Variants in WDR76 observed in about 807,000 individuals in gnomAD.
WDR76 encodes WD repeat domain 76, also known as WD repeat-containing protein 76.
Under a neutral mutation model 70.2 loss-of-function variants are expected in WDR76, and 52 were observed. That is an observed-to-expected ratio of 0.74 (90% CI 0.59 to 0.93). WDR76 has a LOEUF of 0.93. Among genes scored for constraint, WDR76 ranks in the 40% least tolerant of loss-of-function variants. The pLI, the probability that WDR76 is intolerant of heterozygous loss-of-function variation, is 0.00. For synonymous variants in WDR76, 292 were observed against 271.1 expected, an observed-to-expected ratio of 1.08 and a Z score of -0.76; for missense variants, 756 against 760.2, an observed-to-expected ratio of 0.99 and a Z score of 0.07.
intron 8 of WDR76, among the ~76,000 whole-genome samples, chr15:43,844,681 G>T (rs1297406490): frequency 6.6e-6 from 1 of 150,650 alleles, no homozygotes; most frequent in Non-Finnish European, 1.5e-5. Context: ...AGGCCGAGGC[G>T]GGTGGATCAC....
chr15:43,844,038 T>C lies in WDR76; in HGVS notation c.1016T>C (p.Val339Ala). 6.2e-7 allele frequency: 1 copy of C among 1,611,940 alleles called. No homozygotes were observed. The highest frequency in any genetic ancestry group is 8.5e-7 in the Non-Finnish European group (1 of 1,179,418). ...LVAVGAKFGQ[V>A]GLCDLTQQPK... ...GCAGTTGGGGCCAAATTTGGGCAAG[T>C]TGGACTTTGTGATTTGGTAAGTTAT... The change falls in exon 8 of 13, where the codon GTT (valine) becomes GCT (alanine). Residue 339 changes from valine (V) to alanine (A), a missense_variant. Transcript: ENST00000263795.
chr15:43,840,167 C>T (rs1028814003), intron 5 of WDR76, among the ~76,000 whole-genome samples: 5 of 152,024 alleles, frequency 3.3e-5, no homozygotes, highest in South Asian at 2.1e-4. Context: ...CCCATTTGTA[C>T]GCTTTAATGA....
intron 10 of WDR76, among the ~76,000 whole-genome samples, chr15:43,857,859 A>G (rs2087948527): frequency 6.7e-6 from 1 of 148,352 alleles, no homozygotes; most frequent in African/African-American, 2.5e-5. Context: ...TTCTGTACAC[A>G]CTGGATCCAA....
Position 43,867,311 on chromosome 15 carries a change from G to T in WDR76, c.*919G>T, listed in dbSNP as rs957889029. On this transcript the variant is annotated 3_prime_UTR_variant, in exon 13 of 13. Coordinates refer to ENST00000263795, the MANE Select transcript of WDR76 (RefSeq NM_024908.4). ...GACACAGGCAGGACTCCCAAGCACCGGGTTGGGATCTGCCCTGGTCCCGGC... is the reference window on the plus strand; with the variant it reads ...GACACAGGCAGGACTCCCAAGCACCTGGTTGGGATCTGCCCTGGTCCCGGC... 1 of 152,060 alleles carries T rather than the reference G, an allele frequency of 6.6e-6. No individual in the cohort carries two copies. Among genetic ancestry groups the T allele is most frequent in the Non-Finnish European group, 1.5e-5 (1 of 68,030 alleles). 9.4% of individuals were successfully genotyped at this position (152,060 alleles called of 1,614,324 possible). A position where few individuals can be genotyped will look rare whatever the true frequency, so the allele number is the denominator to read the frequency against.
At chr15:43,857,551 G>T (rs1470526657) in intron 10 of WDR76, 2 of 985,114 alleles carry the variant, frequency 2.0e-6, no homozygotes, top group Admixed American at 6.2e-5. Context: ...TGGGCGTGGT[G>T]GCTCATGCCT....
At chr15:43,837,541 G>A (rs1218645957) in intron 4 of WDR76, among the ~76,000 whole-genome samples, 3 of 152,148 alleles carry the variant, frequency 2.0e-5, no homozygotes, top group African/African-American at 7.2e-5. Flanking sequence ...CAGAAGTGTA[G>A]CCTTTGAGAT....
rs2088068183 is a variant in WDR76 at position 43,866,205 on chromosome 15, T to G, written c.1694T>G (p.Val565Gly). The G allele has an allele frequency of 6.2e-7, 1 of 1,614,094 alleles. No individual in the cohort carries two copies. The highest frequency in any genetic ancestry group is 1.1e-5 in the South Asian group (1 of 91,086). The change falls in exon 13 of 13, where the codon GTT becomes GGT. Residue 565 changes from valine (V) to glycine (G), a missense_variant. Val to Gly is a moderately radical substitution (Grantham distance 109). Transcript: ENST00000263795. ...WDPKQEDCVI[V>G]GSMAHPRRVE... Reference sequence around the variant, plus strand: ...CCTAAACAAGAAGACTGTGTCATAGTTGGCAGCATGGCCCATCCACGACGG... The same window carrying G: ...CCTAAACAAGAAGACTGTGTCATAGGTGGCAGCATGGCCCATCCACGACGG...
Position 43,832,743 on chromosome 15 carries a change from G to GGTT in WDR76, c.463-2318_463-2317insGTT, listed in dbSNP as rs1465707440. Among the ~76,000 whole-genome samples the GGTT allele has an allele frequency of 1.5e-4, 10 of 68,070 alleles. No homozygotes were observed. The Admixed American group carries it at 1.5e-3, about 10-fold the overall frequency. The allele number at this position is 68,070 out of a possible 152,430, so 44.7% of individuals were successfully genotyped here. A position where few individuals can be genotyped will look rare whatever the true frequency, so the allele number is the denominator to read the frequency against. On this transcript the variant is annotated intron_variant, in intron 2 of 12. Transcript: ENST00000263795. ...TGAGCCATTGCACCCGGCTTGCTTTGTTTTTTTTTTTTTTTTTTTTTTTTT... is the reference window on the plus strand; with the variant it reads ...TGAGCCATTGCACCCGGCTTGCTTTGGTTTTTTTTTTTTTTTTTTTTTTTTTTT...
At chr15:43,840,760 C>A (rs543882890) in intron 5 of WDR76, among the ~76,000 whole-genome samples, 1 of 152,114 alleles carries the variant, frequency 6.6e-6, no homozygotes, top group African/African-American at 2.4e-5. Flanking sequence ...AGGAGGATCG[C>A]TTGAACCCAG....
At chr15:43,864,217 A>G (rs552613801) in intron 12 of WDR76, among the ~76,000 whole-genome samples, 1 of 152,306 alleles carries the variant, frequency 6.6e-6, no homozygotes, top group South Asian at 2.1e-4. Flanking sequence ...TGTGACAGTG[A>G]ATGTGGGAGT....
intron 12 of WDR76, among the ~76,000 whole-genome samples, chr15:43,862,308 ATTTT>A (rs60991615): frequency 8.8e-5 from 5 of 56,974 alleles, no homozygotes; most frequent in South Asian, 5.9e-4. Flanking sequence ...CAGGTCCACA[ATTTT>A]TTTTTTTTTT....
intron 2 of WDR76, among the ~76,000 whole-genome samples, chr15:43,829,800 C>G (rs1260934446): frequency 6.6e-6 from 1 of 152,048 alleles, no homozygotes; most frequent in Non-Finnish European, 1.5e-5. Context: ...GCCACCGCGC[C>G]TGGCCTAGCA....
chr15:43,830,013 CTTTT>C (rs113243917), intron 2 of WDR76, among the ~76,000 whole-genome samples: 2 of 139,760 alleles, frequency 1.4e-5, no homozygotes, highest in Non-Finnish European at 3.1e-5. Context: ...TCTTTCTTTT[CTTTT>C]TTTTTTTTTA....
chr15:43,839,568 T>C lies in WDR76; in HGVS notation c.609-37T>C. The stretch of plus-strand genomic sequence containing the variant: ...GTATTAGTAAATACATTTTATTGTT[T>C]TGTGAGTATAACATGAGTTTTTCCC... On this transcript the variant is annotated intron_variant, in intron 4 of 12. Transcript: ENST00000263795. 1.9e-6 allele frequency: 3 copies of C among 1,577,692 alleles called. No individual in the cohort carries two copies. In the East Asian group the frequency reaches 6.8e-5, roughly 36 times the overall value.
rs375565743 is a variant in WDR76 at position 43,835,134 on chromosome 15, C to G, written c.536C>G (p.Ser179Cys). 6 of 1,613,868 alleles carry G rather than the reference C, an allele frequency of 3.7e-6. No homozygotes were observed. The highest frequency in any genetic ancestry group is 1.7e-5 in the Admixed American group (1 of 59,976). Residue 179 changes from serine to cysteine, a missense_variant, in exon 3 of 13, where the codon TCT (serine) becomes TGT (cysteine). Coordinates refer to ENST00000263795, the MANE Select transcript of WDR76 (RefSeq NM_024908.4). ...NISENADFFA[S>C]LQLSESAARL... ...TCAGAAAACGCAGACTTTTTTGCTT[C>G]TCTTCAGTTGTCTGAGGTTTGTGTG... is the stretch of plus-strand genomic sequence containing the variant.
At chr15:43,847,470 G>T (rs2087803099) in intron 8 of WDR76, among the ~76,000 whole-genome samples, 1 of 151,406 alleles carries the variant, frequency 6.6e-6, no homozygotes, top group Non-Finnish European at 1.5e-5. Context: ...TGCCCAGGCT[G>T]GCATGCAGTG....
chr15:43,853,903 C>CAAA (rs58460599), intron 9 of WDR76, among the ~76,000 whole-genome samples: 2 of 108,014 alleles, frequency 1.9e-5, no homozygotes, highest in African/African-American at 6.5e-5. Context: ...GAGACTGTCT[C>CAAA]AAAAAAAAAA....
intron 4 of WDR76, among the ~76,000 whole-genome samples, chr15:43,837,383 G>T (rs1174168845): frequency 6.6e-6 from 1 of 152,158 alleles, no homozygotes; most frequent in Non-Finnish European, 1.5e-5. Flanking sequence ...CAGTAGCACT[G>T]GTCCTGTTGC....
At chr15:43,861,514 T>G (rs2087997576) in intron 12 of WDR76, 128 bp downstream of exon 12, 2 of 925,710 alleles carry the variant, frequency 2.2e-6, no homozygotes, top group African/African-American at 3.3e-5. Flanking sequence ...AAATTATAAG[T>G]GTCCCAGTTT....
Sources: allele counts gnomAD v4.1 joint callset (sites outside exome capture counted in the v4.1 genomes callset), GRCh38; gene constraint gnomAD v4.1.1; transcripts MANE v1.5; gene names NCBI Gene and HGNC (gene_info 2026-07-23, HGNC 2026-07-21).